XYLB: variants seen among roughly 807,000 people sequenced by gnomAD.
XYLB encodes the protein xylulose kinase.
A neutral mutation model predicts 78.7 loss-of-function variants in XYLB; 62 were observed. The ratio of observed to expected loss-of-function variants is 0.79; its 90% CI spans 0.64 to 0.97. XYLB has a LOEUF of 0.97. XYLB is among the 50% of genes least tolerant of loss of function. The pLI, the probability that XYLB is intolerant of heterozygous loss-of-function variation, is 0.00. For missense variants in XYLB, 687 were observed against 676.8 expected, an observed-to-expected ratio of 1.02 and a Z score of -0.17; for synonymous variants, 245 against 247.4, an observed-to-expected ratio of 0.99 and a Z score of 0.09.
intron 18 of XYLB, among the ~76,000 whole-genome samples, chr3:38,408,870 G>A (rs1251883061): frequency 1.3e-5 from 2 of 152,190 alleles, no homozygotes; most frequent in East Asian, 1.9e-4. Flanking sequence ...CCAATAACAG[G>A]CTCTGAAATT....
At position 38,374,508 on chromosome 3, in the gene XYLB, G is replaced by A; in HGVS notation, c.888+6G>A. The stretch of plus-strand genomic sequence containing the variant: ...TGGAGGAAGGTGACATTGCGGTAAG[G>A]CGACTTCCCACACCCATAGGCTCTT... On this transcript the variant is annotated splice_donor_region_variant and intron_variant, in intron 11 of 18. Coordinates refer to ENST00000207870, the MANE Select transcript of XYLB (RefSeq NM_005108.4). The A allele has an allele frequency of 6.2e-7, 1 of 1,613,644 alleles. No homozygotes were observed. Among genetic ancestry groups the A allele is most frequent in the East Asian group, 2.2e-5 (1 of 44,758 alleles).
At chr3:38,351,217 T>C (rs1457399887) in intron 2 of XYLB, among the ~76,000 whole-genome samples, 1 of 122,596 alleles carries the variant, frequency 8.2e-6, no homozygotes, top group South Asian at 2.6e-4. Context: ...TGGAAGTGTG[T>C]TGTTTAATCT....
At chr3:38,445,885 C>T in the XYLB span, among the ~76,000 whole-genome samples, 15 of 152,282 alleles carry the variant, frequency 9.9e-5, no homozygotes, top group East Asian at 2.5e-3. Flanking sequence ...CGAAAGGGGT[C>T]CAATGGTACT....
chr3:38,351,808 A>C (rs1705379620), intron 2 of XYLB, among the ~76,000 whole-genome samples: 1 of 152,214 alleles, frequency 6.6e-6, no homozygotes, highest in Non-Finnish European at 1.5e-5. Context: ...ATTTTACATC[A>C]CAGTTTTGAG....
chr3:38,415,121 A>G (rs887536723), downstream of XYLB: 1 of 152,230 alleles, frequency 6.6e-6, no homozygotes, highest in Non-Finnish European at 1.5e-5. Context: ...CTCTAGGCCA[A>G]AAGACCTAGT....
chr3:38,408,691 T>A (rs1314556978), intron 18 of XYLB, among the ~76,000 whole-genome samples: 2 of 57,800 alleles, frequency 3.5e-5, no homozygotes, highest in Admixed American at 1.7e-4. Context: ...CAATAAAAAA[T>A]GATAAAGGGG....
In XYLB at chr3:38,372,669, C is replaced by T; in HGVS notation, c.780C>T (p.Ser260=). 1 of 1,614,158 alleles carries T rather than the reference C, an allele frequency of 6.2e-7. No individual in the cohort carries two copies. Among genetic ancestry groups the T allele is most frequent in the Non-Finnish European group, 8.5e-7 (1 of 1,180,024 alleles). Residue 260 remains serine, a synonymous_variant, in exon 10 of 19, where the codon TCC becomes TCT. Coordinates refer to ENST00000207870, the MANE Select transcript of XYLB (RefSeq NM_005108.4). ...PSCSVVGAIS[S]YYVQRYGFPP... Reference sequence around the variant, plus strand: ...CCGTCCCTCAGGGAGCCATTTCTTCCTACTACGTCCAGCGCTACGGATTTC... The same window carrying T: ...CCGTCCCTCAGGGAGCCATTTCTTCTTACTACGTCCAGCGCTACGGATTTC...
chr3:38,438,227 C>T, the XYLB span, among the ~76,000 whole-genome samples: 2 of 149,968 alleles, frequency 1.3e-5, no homozygotes, highest in Non-Finnish European at 3.0e-5. Flanking sequence ...ACCCTGTCTC[C>T]ATTTTTTTTT....
At position 38,365,778 on chromosome 3, in the gene XYLB, C is replaced by T. The variant is rs2234612; in HGVS notation, c.507+42C>T. On this transcript the variant is annotated intron_variant, in intron 6 of 18. Coordinates refer to ENST00000207870, the MANE Select transcript of XYLB (RefSeq NM_005108.4). ...GGGGGTGCAGGGGGTGGTCTGGTTGCAAGCTCCGGAGGCATAGTGGGTGAC... is the reference window on the plus strand; with the variant it reads ...GGGGGTGCAGGGGGTGGTCTGGTTGTAAGCTCCGGAGGCATAGTGGGTGAC... 852 of 1,576,730 alleles carry T rather than the reference C, an allele frequency of 5.4e-4. 4 individuals are homozygous for T. In the African/African-American group the frequency reaches 0.011, roughly 20 times the overall value.
chr3:38,436,074 A>C, the XYLB span, among the ~76,000 whole-genome samples: 1 of 152,172 alleles, frequency 6.6e-6, no homozygotes, highest in African/African-American at 2.4e-5. Context: ...AAAGGAATAA[A>C]GATCAGAGCA....
At chr3:38,407,921 A>G (rs1708397810) in intron 18 of XYLB, among the ~76,000 whole-genome samples, 1 of 151,928 alleles carries the variant, frequency 6.6e-6, no homozygotes, top group Admixed American at 6.6e-5. Flanking sequence ...TTAGACTCCC[A>G]CACAATAATA....
chr3:38,390,726 C>T (rs555438993), intron 15 of XYLB, among the ~76,000 whole-genome samples: 2 of 152,140 alleles, frequency 1.3e-5, no homozygotes, highest in African/African-American at 4.8e-5. Context: ...TCTTTGTTGT[C>T]CAGGTTGGTC....
chr3:38,398,963 C>T (rs1025465326), intron 17 of XYLB, among the ~76,000 whole-genome samples: 4 of 151,534 alleles, frequency 2.6e-5, no homozygotes, highest in Admixed American at 1.3e-4. Flanking sequence ...ACTTGGGAGG[C>T]GGAGGTTGCA....
the XYLB span, among the ~76,000 whole-genome samples, chr3:38,446,993 T>G: frequency 6.6e-6 from 1 of 152,320 alleles, no homozygotes; most frequent in Admixed American, 6.5e-5. Context: ...ACCTGTTGAA[T>G]GGGAGAAAAT....
At chr3:38,366,076 C>G (rs1706243779) in intron 6 of XYLB, among the ~76,000 whole-genome samples, 1 of 144,984 alleles carries the variant, frequency 6.9e-6, no homozygotes, top group Non-Finnish European at 1.5e-5. Flanking sequence ...GAAGTCAGTG[C>G]ATGTAAGGCA....
chr3:38,370,039 T>C lies in XYLB; in HGVS notation c.647-17T>C. The C allele has an allele frequency of 1.2e-6, 2 of 1,608,114 alleles. No individual in the cohort carries two copies. Among genetic ancestry groups the C allele is most frequent in the Non-Finnish European group, 1.7e-6 (2 of 1,174,456 alleles). ...CATTTTCAAGATTGTCTGTTGTTTG[T>C]TTCCTTCCTTCCTCAGGTTCTGGAA... On this transcript the variant is annotated splice_polypyrimidine_tract_variant and intron_variant, in intron 8 of 18. Coordinates refer to ENST00000207870, the MANE Select transcript of XYLB (RefSeq NM_005108.4).
chr3:38,374,791 G>A (rs1706762118), intron 11 of XYLB, among the ~76,000 whole-genome samples: 1 of 152,210 alleles, frequency 6.6e-6, no homozygotes. Flanking sequence ...AGGGTCAGAT[G>A]TGGGGCCAAA....
intron 10 of XYLB, among the ~76,000 whole-genome samples, chr3:38,373,932 T>C (rs1441109556): frequency 6.6e-6 from 1 of 151,972 alleles, no homozygotes; most frequent in African/African-American, 2.4e-5. Flanking sequence ...GGTGGGAGGA[T>C]TGCGTGATCC....
chr3:38,407,710 C>CA (rs1708387064), intron 18 of XYLB, among the ~76,000 whole-genome samples: 1 of 151,342 alleles, frequency 6.6e-6, no homozygotes, highest in South Asian at 2.1e-4. Context: ...AAATGGAAAA[C>CA]AAAAAAAGGC....
Sources: gnomAD v4.1 joint callset for allele counts (sites outside exome capture counted in the v4.1 genomes callset) on GRCh38, gnomAD v4.1.1 for gene constraint, MANE v1.5 for transcripts, NCBI Gene and HGNC (gene_info 2026-07-23, HGNC 2026-07-21) for gene names.